LRRC9: variants seen among roughly 807,000 people sequenced by gnomAD.
The protein encoded by LRRC9 is leucine-rich repeat-containing protein 9.
In LRRC9, 122 loss-of-function variants were observed where a neutral mutation model predicts 63.2. The observed-to-expected ratio is 1.93, with a 90% CI of 1.67 to 2.24. The LOEUF is 2.24. LRRC9 is among the 30% of genes most tolerant of loss of function. LRRC9 has a pLI of 0.00. For synonymous variants in LRRC9, 366 were observed against 213.1 expected (o/e 1.72, Z -6.25); for missense variants, 1,071 against 627.7 (o/e 1.71, Z -7.55).
intron 27 of LRRC9, among the ~76,000 whole-genome samples, chr14:60,025,586 A>G (rs1891480645): frequency 6.6e-6 from 1 of 151,654 alleles, no homozygotes; most frequent in Admixed American, 6.6e-5. Flanking sequence ...GCTGCCATTT[A>G]TGGAGTCACT....
At chr14:59,931,042 C>A (rs1403992449) in exon 4 of LRRC9, 2 of 386,110 alleles carry the variant, frequency 5.2e-6, no homozygotes, top group South Asian at 4.7e-5. Flanking sequence ...AACCACAATA[C>A]AATTAAAAAT....
chr14:59,988,237 T>G (rs556923971), intron 17 of LRRC9, among the ~76,000 whole-genome samples: 13 of 152,274 alleles, frequency 8.5e-5, no homozygotes, highest in African/African-American at 3.1e-4. Context: ...TAGAGAGAAG[T>G]GGTCCTTCAG....
chr14:60,027,952 A>C lies in LRRC9; in HGVS notation c.3772A>C (p.Asn1258His). ...CCTTCAAGAATTGGTAGTGGACCAT[A>C]ACCGCATCCGATCATTTAATGACAG... is the stretch of plus-strand genomic sequence containing the variant. Residue 1258 changes from asparagine (N) to histidine (H), a missense_variant, in exon 28 of 32, where the codon AAC (asparagine) becomes CAC (histidine). Transcript: ENST00000445360. This position sits in a 1 kb window ranked among gnomAD's most constrained non-coding sequence, Gnocchi z 4.0. The C allele has an allele frequency of 1.4e-6, 1 of 701,850 alleles. No individual in the cohort carries two copies. Among genetic ancestry groups the C allele is most frequent in the South Asian group, 1.5e-5 (1 of 67,544 alleles). 43.5% of individuals were successfully genotyped at this position (701,850 alleles called of 1,614,324 possible). A position where few individuals can be genotyped will look rare whatever the true frequency, so the allele number is the denominator to read the frequency against.
chr14:59,921,941 G>A (rs1016046720), intron 1 of LRRC9, among the ~76,000 whole-genome samples: 8 of 151,774 alleles, frequency 5.3e-5, no homozygotes, highest in Non-Finnish European at 1.0e-4. Flanking sequence ...AAAATTAGCC[G>A]GGTGTGATGG....
At chr14:60,006,201 T>C (rs568949617) in intron 21 of LRRC9, among the ~76,000 whole-genome samples, 196 bp from the exon 22 acceptor site, 4 of 152,274 alleles carry the variant, frequency 2.6e-5, no homozygotes, top group African/African-American at 9.6e-5. Flanking sequence ...TTGAATTTAA[T>C]GTTTGAGATG....
rs749606607 is a variant in LRRC9 at position 59,958,050 on chromosome 14, T to C, written c.883-1768T>C. On this transcript the variant is annotated intron_variant, in intron 8 of 31. Coordinates refer to ENST00000445360, the Ensembl canonical transcript of LRRC9. This position sits in a 1 kb window ranked among gnomAD's most constrained non-coding sequence, Gnocchi z 4.0. The stretch of plus-strand genomic sequence containing the variant: ...TGATGCCAACCAGAGCTCTCCTGTA[T>C]GAGGTGTCTGTCGACCCCTGTTGGG... 1.6e-4 allele frequency among the ~76,000 whole-genome samples: 25 copies of C among 152,300 alleles called. No individual in the cohort carries two copies. Among genetic ancestry groups the C allele is most frequent in the Non-Finnish European group, 3.1e-4 (21 of 68,024 alleles).
At chr14:59,979,528 C>T (rs1256411233) in intron 15 of LRRC9, among the ~76,000 whole-genome samples, 1 of 151,846 alleles carries the variant, frequency 6.6e-6, no homozygotes, top group Non-Finnish European at 1.5e-5. Context: ...AGGAGAATGG[C>T]GTGAACCCGG....
At chr14:59,999,047 A>G (rs1005728396) in intron 18 of LRRC9, 54 bp from the exon 19 acceptor site, 2 of 570,258 alleles carry the variant, frequency 3.5e-6, no homozygotes, top group African/African-American at 3.8e-5. Flanking sequence ...AGTCATTTTC[A>G]TGCCATAACA....
At chr14:59,999,051 C>A in intron 18 of LRRC9, 50 bp from the exon 19 acceptor site, 2 of 581,020 alleles carry the variant, frequency 3.4e-6, no homozygotes, top group East Asian at 2.9e-5. Flanking sequence ...ATTTTCATGC[C>A]ATAACATATT....
intron 8 of LRRC9, among the ~76,000 whole-genome samples, chr14:59,947,762 G>T (rs1053792958): frequency 6.9e-6 from 1 of 144,522 alleles, no homozygotes; most frequent in Non-Finnish European, 1.5e-5. Context: ...TATTAAATAG[G>T]GAATCCTTTC....
At chr14:59,975,832 G>A (rs571225337) in intron 13 of LRRC9, among the ~76,000 whole-genome samples, 2 of 152,216 alleles carry the variant, frequency 1.3e-5, no homozygotes, top group South Asian at 4.2e-4. Context: ...TCAACCATCC[G>A]ACCTACTAAA....
At chr14:60,011,933 C>T (rs1595021560) in intron 23 of LRRC9, among the ~76,000 whole-genome samples, 1 of 152,120 alleles carries the variant, frequency 6.6e-6, no homozygotes, top group African/African-American at 2.4e-5. Context: ...ATTAAATATG[C>T]ATATGAAAAT....
At chr14:59,971,698 G>A (rs779487281) in intron 12 of LRRC9, among the ~76,000 whole-genome samples, 1 of 151,928 alleles carries the variant, frequency 6.6e-6, no homozygotes, top group Non-Finnish European at 1.5e-5. Flanking sequence ...CACTGAACAT[G>A]CTCAAAGCCT....
chr14:60,002,014 C>T (rs1482774134), exon 20 of LRRC9: 2 of 701,456 alleles, frequency 2.9e-6, no homozygotes, highest in Non-Finnish European at 5.2e-6. Flanking sequence ...ACCACGGATA[C>T]TTAGTATATG....
rs10550604 is a variant in LRRC9 at position 60,004,881 on chromosome 14, T to TACAC, written c.2842+1104_2842+1107dup. On this transcript the variant is annotated intron_variant, in intron 21 of 31. Transcript: ENST00000445360. This position sits in a 1 kb window ranked among gnomAD's most constrained non-coding sequence, Gnocchi z 4.8. ...AAAGAGAAATATGTATATGTGTGTA[T>TACAC]ACACACACACACACACACACACACT... 0.014 allele frequency among the ~76,000 whole-genome samples: 2,106 copies of TACAC among 150,336 alleles called. 50 individuals carry two copies. The highest frequency in any genetic ancestry group is 0.059 in the East Asian group (302 of 5,120).
intron 8 of LRRC9, among the ~76,000 whole-genome samples, chr14:59,946,804 A>G (rs1594843738): frequency 1.4e-5 from 2 of 144,260 alleles, no homozygotes; most frequent in Admixed American, 1.4e-4. Flanking sequence ...ATGGTTTCCA[A>G]TTTCATCCAT....
At chr14:59,929,565 T>C (rs1889511041) in intron 3 of LRRC9, among the ~76,000 whole-genome samples, 1 of 152,054 alleles carries the variant, frequency 6.6e-6, no homozygotes, top group African/African-American at 2.4e-5. Flanking sequence ...ACCCAGCAAT[T>C]CCATTACTGG....
intron 27 of LRRC9, 25 bp downstream of exon 27, chr14:60,022,895 T>C (rs1043928167): frequency 1.9e-6 from 1 of 535,686 alleles, no homozygotes; most frequent in East Asian, 3.2e-5. Flanking sequence ...TGTTACTGTA[T>C]AAGTCTTTAT....
chr14:59,946,250 CTTA>C (rs1204453004), intron 8 of LRRC9, among the ~76,000 whole-genome samples: 1 of 150,518 alleles, frequency 6.6e-6, no homozygotes, highest in East Asian at 1.9e-4. Context: ...GTGAGCAGTT[CTTA>C]TTATAATTAG....
Sources: allele counts gnomAD v4.1 joint callset (sites outside exome capture counted in the v4.1 genomes callset), GRCh38; gene constraint gnomAD v4.1.1; non-coding constraint Gnocchi (gnomAD v3.1); transcripts MANE v1.5; gene names NCBI Gene and HGNC (gene_info 2026-07-23, HGNC 2026-07-21).